The following FBXO4 variants were observed in gnomAD, a reference collection of about 807,000 sequenced individuals.
The protein encoded by FBXO4 is F-box protein 4.
FBXO4 carries 36 observed loss-of-function variants against 43.7 expected under a neutral mutation model. That is an observed-to-expected ratio of 0.82 (90% CI 0.63 to 1.09). FBXO4 has a LOEUF of 1.09. Among genes scored for constraint, FBXO4 ranks in the 50% least tolerant of loss-of-function variants. The pLI is 0.00. For missense variants in FBXO4, 435 were observed against 474.1 expected (o/e 0.92, Z 0.77); for synonymous variants, 180 against 165.6 (o/e 1.09, Z -0.67).
chr5:41,967,346 A>G, the FBXO4 span: 14 of 463,414 alleles, frequency 3.0e-5, no homozygotes, highest in Admixed American at 2.5e-4. Context: ...TAGCAGTTAC[A>G]GGATCTTGAA....
rs961693227 is a variant in FBXO4, at chr5:41,925,343, T to G, written c.34T>G (p.Ser12Ala). 1 of 1,365,104 alleles carries G rather than the reference T, an allele frequency of 7.3e-7. No individual in the cohort carries two copies. Among genetic ancestry groups the G allele is most frequent in the African/African-American group, 1.5e-5 (1 of 65,276 alleles). 84.6% of individuals were successfully genotyped at this position (1,365,104 alleles called of 1,614,324 possible). The change falls in exon 1 of 7, where the codon TCG (serine) becomes GCG (alanine). Residue 12 changes from serine (S) to alanine (A), a missense_variant. Physicochemically the swap from Ser to Ala is moderately conservative, Grantham distance 99. Transcript: ENST00000281623. ...AGSEPRSGTN[S>A]PPPPFSDWGR... ...AAGCGAGCCGCGCAGCGGAACAAACTCGCCGCCGCCGCCCTTCAGCGACTG... is the reference window on the plus strand; with the variant it reads ...AAGCGAGCCGCGCAGCGGAACAAACGCGCCGCCGCCGCCCTTCAGCGACTG...
the FBXO4 span, among the ~76,000 whole-genome samples, chr5:41,955,717 C>T: frequency 1.3e-5 from 2 of 152,126 alleles, no homozygotes; most frequent in Non-Finnish European, 2.9e-5. Context: ...CAGAGTCTCC[C>T]TTGCATTTTC....
the FBXO4 span, among the ~76,000 whole-genome samples, chr5:41,999,733 G>A: frequency 1.3e-5 from 2 of 151,074 alleles, no homozygotes; most frequent in Non-Finnish European, 2.9e-5. Context: ...AAAGATGTAG[G>A]CTGGGAGGCT....
chr5:41,926,157 G>A (rs958968515), intron 1 of FBXO4, among the ~76,000 whole-genome samples: 58 of 152,298 alleles, frequency 3.8e-4, no homozygotes, highest in African/African-American at 1.3e-3. Context: ...GTCTCATTTG[G>A]ACTATTGACA....
At chr5:41,942,480 G>C (rs1446459704), downstream of FBXO4, among the ~76,000 whole-genome samples, 1 of 151,998 alleles carries the variant, frequency 6.6e-6, no homozygotes, top group Non-Finnish European at 1.5e-5. Context: ...GATGAATGGA[G>C]AAAATGAAAT....
chr5:42,001,997 C>T, the FBXO4 span, among the ~76,000 whole-genome samples: 2 of 152,140 alleles, frequency 1.3e-5, no homozygotes, highest in Non-Finnish European at 2.9e-5. Flanking sequence ...GCCCAGCCAC[C>T]TTAATTTTTT....
the FBXO4 span, among the ~76,000 whole-genome samples, chr5:41,977,154 G>A: frequency 1.3e-5 from 2 of 152,190 alleles, no homozygotes; most frequent in Non-Finnish European, 2.9e-5. Context: ...AACCTGTGAT[G>A]TGAGGGGCTG....
chr5:41,954,042 G>C, the FBXO4 span, among the ~76,000 whole-genome samples: 3 of 152,264 alleles, frequency 2.0e-5, no homozygotes, highest in Admixed American at 2.0e-4. Context: ...TCAAAGTGTT[G>C]AGGTTAATTA....
At chr5:41,985,151 A>T in the FBXO4 span, among the ~76,000 whole-genome samples, 1 of 152,162 alleles carries the variant, frequency 6.6e-6, no homozygotes, top group South Asian at 2.1e-4. Flanking sequence ...TGATTTTTCT[A>T]TCGTCAAATC....
chr5:41,941,295 T>C lies in FBXO4; in HGVS notation c.*14T>C. ...CGTGCAAGATGATTCTCTTTTCAGA[T>C]CTTGGGAACTGAAACCATTTGAAAT... is the stretch of plus-strand genomic sequence containing the variant. On this transcript the variant is annotated 3_prime_UTR_variant, in exon 7 of 7. Transcript: ENST00000281623. The C allele has an allele frequency of 5.6e-6, 9 of 1,607,316 alleles. No individual in the cohort carries two copies. Among genetic ancestry groups the C allele is most frequent in the Non-Finnish European group, 7.7e-6 (9 of 1,174,002 alleles).
In FBXO4 at chr5:41,927,112, A is replaced by G. The variant is rs753903212; in HGVS notation, c.289A>G (p.Ile97Val). ...HYWNETVRDP[I>V]LWRYFLLRDL... ...TTGGAATGAAACTGTAAGAGATCCAATTCTGTGGAGATACTTTTTGTTGAG... is the reference window on the plus strand; with the variant it reads ...TTGGAATGAAACTGTAAGAGATCCAGTTCTGTGGAGATACTTTTTGTTGAG... Residue 97 changes from isoleucine (I) to valine (V), a missense_variant, in exon 2 of 7, where the codon ATT becomes GTT. Transcript: ENST00000281623. The G allele has an allele frequency of 1.5e-5, 25 of 1,613,772 alleles. No individual in the cohort carries two copies. Among genetic ancestry groups the G allele is most frequent in the African/African-American group, 5.3e-5 (4 of 74,912 alleles).
At chr5:42,040,070 C>A in the FBXO4 span, among the ~76,000 whole-genome samples, 1 of 152,104 alleles carries the variant, frequency 6.6e-6, no homozygotes, top group African/African-American at 2.4e-5. Flanking sequence ...CACATTGAAG[C>A]TGAGGCTGGA....
At chr5:41,928,901 G>T (rs1424482580) in intron 2 of FBXO4, among the ~76,000 whole-genome samples, 3 of 152,312 alleles carry the variant, frequency 2.0e-5, no homozygotes, top group Admixed American at 1.3e-4. Context: ...TTGATAAAAT[G>T]CATAATTGGT....
the FBXO4 span, among the ~76,000 whole-genome samples, chr5:41,989,435 A>C: frequency 1.1e-4 from 17 of 152,134 alleles, no homozygotes; most frequent in African/African-American, 3.6e-4. Context: ...ATATTCCGTT[A>C]CGATCTTAGC....
At chr5:41,987,499 G>A in the FBXO4 span, among the ~76,000 whole-genome samples, 1 of 152,242 alleles carries the variant, frequency 6.6e-6, no homozygotes, top group Non-Finnish European at 1.5e-5. Context: ...AAAAACCATA[G>A]AGAAGGGTAA....
chr5:41,970,885 C>T, the FBXO4 span, among the ~76,000 whole-genome samples: 150,930 of 152,086 alleles, frequency 0.99, 74,941 homozygotes, highest in Middle Eastern at 1. Flanking sequence ...GCAAAGCAAC[C>T]AGACAAATTC....
At chr5:41,986,060 TC>T in the FBXO4 span, among the ~76,000 whole-genome samples, 1 of 152,142 alleles carries the variant, frequency 6.6e-6, no homozygotes, top group Non-Finnish European at 1.5e-5. Context: ...CACTTCAAAC[TC>T]AGAATTCACT....
At chr5:42,029,293 C>A in the FBXO4 span, among the ~76,000 whole-genome samples, 6 of 152,148 alleles carry the variant, frequency 3.9e-5, no homozygotes, top group Non-Finnish European at 8.8e-5. Context: ...AATGTTTTTA[C>A]TGAAAAATCT....
the FBXO4 span, among the ~76,000 whole-genome samples, chr5:42,023,638 C>T: frequency 0.016 from 2,430 of 151,916 alleles, 122 homozygotes; most frequent in East Asian, 0.1. Flanking sequence ...TGTGCAGACA[C>T]CAATTTGCAA....
Sources: gnomAD v4.1 joint callset for allele counts (sites outside exome capture counted in the v4.1 genomes callset) on GRCh38, gnomAD v4.1.1 for gene constraint, MANE v1.5 for transcripts, NCBI Gene and HGNC (gene_info 2026-07-23, HGNC 2026-07-21) for gene names.